The following PDE7A variants were observed in gnomAD, a reference collection of about 807,000 sequenced individuals.
PDE7A encodes the protein high affinity 3',5'-cyclic-AMP phosphodiesterase 7A.
PDE7A carries 39 observed loss-of-function variants against 64.3 expected under a neutral mutation model. The ratio of observed to expected loss-of-function variants is 0.61; its 90% confidence interval spans 0.47 to 0.79. The LOEUF is 0.79. PDE7A is among the 30% of genes least tolerant of loss of function. The probability of loss-of-function intolerance (pLI) is 0.00; values close to 1 mark genes in which losing one functional copy is unlikely to be tolerated. For synonymous variants in PDE7A, 203 were observed against 206.8 expected, an observed-to-expected ratio of 0.98 and a Z score of 0.16; for missense variants, 470 against 582.8, an observed-to-expected ratio of 0.81 and a Z score of 1.99.
At chr8:65,724,517 C>A (rs1806527929) in intron 10 of PDE7A, among the ~76,000 whole-genome samples, 166 bp from the exon 11 acceptor site, 1 of 152,124 alleles carries the variant, frequency 6.6e-6, no homozygotes, top group African/African-American at 2.4e-5. Context: ...AATGCTATTT[C>A]TTAATTGGTA....
chr8:65,776,524 T>G (rs1809264012), intron 3 of PDE7A, among the ~76,000 whole-genome samples: 1 of 152,152 alleles, frequency 6.6e-6, no homozygotes, highest in Non-Finnish European at 1.5e-5. Context: ...TACTGAATCC[T>G]CCAATCCATA....
chr8:65,752,006 C>G (rs1314554838), intron 3 of PDE7A, among the ~76,000 whole-genome samples: 1 of 152,072 alleles, frequency 6.6e-6, no homozygotes, highest in East Asian at 1.9e-4. Context: ...TTAGCCAGTC[C>G]TCTACTGAAG....
At chr8:65,788,234 A>T (rs1189185166) in intron 1 of PDE7A, among the ~76,000 whole-genome samples, 1 of 152,174 alleles carries the variant, frequency 6.6e-6, no homozygotes, top group Non-Finnish European at 1.5e-5. Flanking sequence ...AATAATTTCA[A>T]AGAGTATAAT....
chr8:65,760,739 T>C (rs1002517995), intron 3 of PDE7A, among the ~76,000 whole-genome samples: 6 of 152,208 alleles, frequency 3.9e-5, no homozygotes, highest in African/African-American at 4.8e-5. Context: ...AGTAATGACA[T>C]GTAAAATTCT....
At chr8:65,822,137 T>C (rs951143294) in intron 1 of PDE7A, among the ~76,000 whole-genome samples, 1 of 152,232 alleles carries the variant, frequency 6.6e-6, no homozygotes. Context: ...CAGGGACCCA[T>C]CTATTAAAGA....
chr8:65,812,110 G>A (rs1260411969), intron 1 of PDE7A, among the ~76,000 whole-genome samples: 1 of 151,936 alleles, frequency 6.6e-6, no homozygotes, highest in Non-Finnish European at 1.5e-5. Context: ...AGGAGTCTGA[G>A]GTGGGAGGAT....
At chr8:65,783,552 CCT>C (rs144078304) in intron 1 of PDE7A, among the ~76,000 whole-genome samples, 4,231 of 152,218 alleles carry the variant, frequency 0.028, 91 homozygotes, top group Middle Eastern at 0.092. Flanking sequence ...AAAGGGATTC[CCT>C]GACTACCAAA....
chr8:65,742,002 C>A (rs557215157), intron 5 of PDE7A, among the ~76,000 whole-genome samples: 6 of 152,262 alleles, frequency 3.9e-5, no homozygotes, highest in African/African-American at 1.2e-4. Flanking sequence ...AATTGAAAAG[C>A]TGCATGCAAG....
chr8:65,753,250 AC>A (rs910123095), intron 3 of PDE7A, among the ~76,000 whole-genome samples: 1 of 152,182 alleles, frequency 6.6e-6, no homozygotes. Flanking sequence ...ATTTTCCTGG[AC>A]CAACTCTTTG....
intron 3 of PDE7A, among the ~76,000 whole-genome samples, chr8:65,775,821 GTT>G (rs1312704473): frequency 6.6e-6 from 1 of 152,188 alleles, no homozygotes; most frequent in African/African-American, 2.4e-5. Context: ...TAGAGATGGA[GTT>G]TCACCATGTT....
At chr8:65,759,638 G>T (rs546281629) in intron 3 of PDE7A, among the ~76,000 whole-genome samples, 23 of 152,286 alleles carry the variant, frequency 1.5e-4, no homozygotes, top group African/African-American at 5.5e-4. Context: ...TTGGGTAGTT[G>T]TTTCAGTGGA....
intron 1 of PDE7A, among the ~76,000 whole-genome samples, chr8:65,791,781 A>G (rs1018281817): frequency 6.6e-6 from 1 of 152,230 alleles, no homozygotes; most frequent in Non-Finnish European, 1.5e-5. Flanking sequence ...TGCTAATGAC[A>G]CATTTACATC....
chr8:65,802,528 C>T (rs1362645707), intron 1 of PDE7A, among the ~76,000 whole-genome samples: 4 of 152,168 alleles, frequency 2.6e-5, no homozygotes, highest in African/African-American at 4.8e-5. Context: ...TTCCTAACTA[C>T]GGAGTCTTCA....
At chr8:65,832,625 C>T (rs1810859786) in intron 1 of PDE7A, among the ~76,000 whole-genome samples, 1 of 152,126 alleles carries the variant, frequency 6.6e-6, no homozygotes, top group Admixed American at 6.5e-5. Flanking sequence ...GCTGGGACTA[C>T]AAGCACGTGT....
chr8:65,818,291 G>C (rs1184771035), intron 1 of PDE7A, among the ~76,000 whole-genome samples: 4 of 151,964 alleles, frequency 2.6e-5, no homozygotes, highest in African/African-American at 7.3e-5. Context: ...TAAACCTAGG[G>C]ATTTTAGATA....
intron 1 of PDE7A, among the ~76,000 whole-genome samples, chr8:65,840,237 C>T (rs1217429968): frequency 6.6e-6 from 1 of 152,204 alleles, no homozygotes; most frequent in Non-Finnish European, 1.5e-5. Context: ...CTACCTTGTG[C>T]TGTGAAATAA....
rs146192029 is a variant in PDE7A, at chr8:65,734,017, A to G, written c.696+777T>C. On this transcript the variant is annotated intron_variant, in intron 7 of 12. Transcript: ENST00000401827. ...AACACCTGCAGACAATGATTCCCAA[A>G]TCCATACATTAAGTCTGATTTCTCT... is the stretch of plus-strand genomic sequence containing the variant. 2.6e-3 allele frequency among the ~76,000 whole-genome samples: 399 copies of G among 152,318 alleles called. 5 individuals carry two copies. In the South Asian group the frequency reaches 0.035, roughly 13 times the overall value.
At chr8:65,828,158 A>AT (rs1012161235) in intron 1 of PDE7A, among the ~76,000 whole-genome samples, 5 of 152,144 alleles carry the variant, frequency 3.3e-5, no homozygotes, top group Non-Finnish European at 5.9e-5. Context: ...TTTAAAAAAA[A>AT]AAATCAGAAA....
chr8:65,763,551 G>A (rs1278639253), intron 3 of PDE7A, among the ~76,000 whole-genome samples: 3 of 139,346 alleles, frequency 2.2e-5, no homozygotes, highest in African/African-American at 9.5e-5. Context: ...GGCAACAAGA[G>A]TGAAACTCCG....
Sources: allele counts gnomAD v4.1 joint callset (sites outside exome capture counted in the v4.1 genomes callset), GRCh38; gene constraint gnomAD v4.1.1; transcripts MANE v1.5; gene names NCBI Gene and HGNC (gene_info 2026-07-23, HGNC 2026-07-21).